The following TBC1D5 variants were observed in gnomAD, a reference collection of about 807,000 sequenced individuals.
The protein encoded by TBC1D5 is TBC1 domain family member 5, also known as TBC1 domain family, member 5.
Under a neutral mutation model 100.3 loss-of-function variants are expected in TBC1D5, and 75 were observed. That is an observed-to-expected ratio of 0.75 (90% CI 0.62 to 0.91). TBC1D5 has a LOEUF of 0.91. Ranked by LOEUF, TBC1D5 falls within the 40% of genes least tolerant of loss-of-function variation. The probability of loss-of-function intolerance (pLI) is 0.00; values close to 1 mark genes in which losing one functional copy is unlikely to be tolerated. For synonymous variants in TBC1D5, 323 were observed against 325.6 expected (o/e 0.99, Z 0.09); for missense variants, 910 against 942.4 (o/e 0.97, Z 0.45).
intron 2 of TBC1D5, among the ~76,000 whole-genome samples, chr3:17,610,150 C>G (rs1344875647): frequency 6.6e-6 from 1 of 152,206 alleles, no homozygotes; most frequent in Non-Finnish European, 1.5e-5. Flanking sequence ...GCTAAAGCTG[C>G]TAGCTTCCTA....
chr3:17,447,755 A>G (rs2094833626), intron 3 of TBC1D5, among the ~76,000 whole-genome samples: 1 of 152,250 alleles, frequency 6.6e-6, no homozygotes, highest in South Asian at 2.1e-4. Context: ...TATACATCCT[A>G]AACTGGCTGG....
At chr3:17,248,890 C>T (rs947080995) in intron 16 of TBC1D5, among the ~76,000 whole-genome samples, 1 of 152,160 alleles carries the variant, frequency 6.6e-6, no homozygotes, top group Non-Finnish European at 1.5e-5. Context: ...ATCATAGATA[C>T]ATCTTCTGGA....
At chr3:17,721,294 T>C (rs1327555540) in intron 1 of TBC1D5, among the ~76,000 whole-genome samples, 1 of 152,196 alleles carries the variant, frequency 6.6e-6, no homozygotes, top group Non-Finnish European at 1.5e-5. Context: ...CCTAAATTAT[T>C]GTAGGTCAAT....
chr3:17,167,734 G>A lies in TBC1D5; in HGVS notation c.1932+15C>T. ...GGCGGGACACAAAGAAATAGTGTCA[G>A]AGCAATGCACATACCTGTTTTAATC... On this transcript the variant is annotated intron_variant, in intron 20 of 21. Transcript: ENST00000253692. 6.2e-7 allele frequency: 1 copy of A among 1,613,304 alleles called. No individual in the cohort carries two copies. Among genetic ancestry groups the A allele is most frequent in the Non-Finnish European group, 8.5e-7 (1 of 1,179,226 alleles).
intron 3 of TBC1D5, among the ~76,000 whole-genome samples, chr3:17,489,722 G>A (rs2095614900): frequency 6.6e-6 from 1 of 152,184 alleles, no homozygotes; most frequent in Admixed American, 6.5e-5. Context: ...ATTCCATGGT[G>A]AATATGTACC....
At chr3:17,306,116 C>A (rs1575231914) in intron 14 of TBC1D5, among the ~76,000 whole-genome samples, 1 of 54,702 alleles carries the variant, frequency 1.8e-5, no homozygotes, top group Non-Finnish European at 4.8e-5. Flanking sequence ...TTTTCACTTC[C>A]AGGCCTTTGT....
chr3:17,733,164 A>G (rs1486299570), intron 1 of TBC1D5, among the ~76,000 whole-genome samples: 1 of 152,186 alleles, frequency 6.6e-6, no homozygotes, highest in Non-Finnish European at 1.5e-5. Context: ...GAGAAAGAAG[A>G]GTTCATACTA....
chr3:17,374,193 G>T (rs572097205), intron 12 of TBC1D5, among the ~76,000 whole-genome samples: 1 of 152,074 alleles, frequency 6.6e-6, no homozygotes, highest in African/African-American at 2.4e-5. Context: ...GGTAGCAAGA[G>T]AAATATAATA....
chr3:17,642,369 A>G (rs778217551), intron 1 of TBC1D5, among the ~76,000 whole-genome samples: 2 of 152,132 alleles, frequency 1.3e-5, no homozygotes, highest in African/African-American at 4.8e-5. Flanking sequence ...TACAAACCAT[A>G]TAAGGTAGAG....
At chr3:17,165,445 G>T (rs1258556717) in intron 21 of TBC1D5, among the ~76,000 whole-genome samples, 5 of 152,182 alleles carry the variant, frequency 3.3e-5, no homozygotes, top group African/African-American at 1.2e-4. Flanking sequence ...AAACATCTGT[G>T]CAAGGAAGGA....
chr3:17,432,168 A>G (rs1409404570), intron 3 of TBC1D5, among the ~76,000 whole-genome samples: 1 of 152,140 alleles, frequency 6.6e-6, no homozygotes, highest in African/African-American at 2.4e-5. Flanking sequence ...TCATTAGAGA[A>G]CTGTCAACAT....
intron 3 of TBC1D5, among the ~76,000 whole-genome samples, chr3:17,485,803 C>T (rs1238802239): frequency 0.011 from 1,661 of 151,676 alleles, 24 homozygotes; most frequent in African/African-American, 0.037. Context: ...AATAAACATA[C>T]GTGTGCATGT....
intron 3 of TBC1D5, among the ~76,000 whole-genome samples, chr3:17,461,280 C>G (rs77701001): frequency 2.7e-4 from 41 of 152,238 alleles, no homozygotes; most frequent in African/African-American, 9.6e-4. Flanking sequence ...AACGTGCAAA[C>G]ACACCTCTGG....
intron 3 of TBC1D5, among the ~76,000 whole-genome samples, chr3:17,486,887 C>A (rs1410789669): frequency 6.6e-6 from 1 of 152,152 alleles, no homozygotes; most frequent in East Asian, 1.9e-4. Context: ...CAAGTGCTTG[C>A]CTTTGTTTTG....
intron 14 of TBC1D5, among the ~76,000 whole-genome samples, chr3:17,295,846 C>T (rs2082200447): frequency 6.6e-6 from 1 of 152,166 alleles, no homozygotes; most frequent in East Asian, 1.9e-4. Flanking sequence ...ACTAGTCATA[C>T]ATTTTATAAA....
chr3:17,663,541 C>CT (rs1373358556), intron 1 of TBC1D5, among the ~76,000 whole-genome samples: 2 of 152,028 alleles, frequency 1.3e-5, no homozygotes, highest in African/African-American at 2.4e-5. Context: ...ATAAAATTAG[C>CT]AGAGATGTTT....
At chr3:17,508,415 G>T in intron 3 of TBC1D5, 59 bp downstream of exon 3, 1 of 1,317,556 alleles carries the variant, frequency 7.6e-7, no homozygotes, top group African/African-American at 1.4e-5. Flanking sequence ...CTAACTGAGG[G>T]CCCTCTGCTA....
At chr3:17,483,341 A>T (rs1238710459) in intron 3 of TBC1D5, among the ~76,000 whole-genome samples, 1 of 152,172 alleles carries the variant, frequency 6.6e-6, no homozygotes, top group Non-Finnish European at 1.5e-5. Context: ...CTAGTAGACT[A>T]AATTTCTATT....
chr3:17,234,225 T>A (rs2075678168), intron 17 of TBC1D5, among the ~76,000 whole-genome samples: 1 of 152,112 alleles, frequency 6.6e-6, no homozygotes, highest in African/African-American at 2.4e-5. Flanking sequence ...AAGTTCTAAT[T>A]TCACATTAAG....
Sources: gnomAD v4.1 joint callset for allele counts (sites outside exome capture counted in the v4.1 genomes callset) on GRCh38, gnomAD v4.1.1 for gene constraint, MANE v1.5 for transcripts, NCBI Gene and HGNC (gene_info 2026-07-23, HGNC 2026-07-21) for gene names.